SH2D1B: variants seen among roughly 807,000 people sequenced by gnomAD.
The protein encoded by SH2D1B is SH2 domain-containing protein 1B.
In SH2D1B, 11 loss-of-function variants were observed where a neutral mutation model predicts 16.3. The observed-to-expected ratio is 0.67, with a 90% CI of 0.42 to 1.11. The LOEUF is 1.11. Ranked by LOEUF, SH2D1B falls within the 50% of genes most tolerant of loss-of-function variation. The pLI is 0.00. For synonymous variants in SH2D1B, 55 were observed against 56.1 expected (o/e 0.98, Z 0.09); for missense variants, 123 against 153.1 (o/e 0.80, Z 1.04).
intron 1 of SH2D1B, among the ~76,000 whole-genome samples, chr1:162,403,136 T>C (rs1360247302): frequency 6.6e-6 from 1 of 152,058 alleles, no homozygotes; most frequent in East Asian, 1.9e-4. Context: ...ACAATGCTGA[T>C]GGGAATGTAA....
At chr1:162,408,569 CA>C (rs1039174497) in intron 1 of SH2D1B, among the ~76,000 whole-genome samples, 6 of 151,986 alleles carry the variant, frequency 3.9e-5, no homozygotes, top group Middle Eastern at 3.4e-3. Flanking sequence ...CATGCCACCA[CA>C]CCCAGCTAAT....
chr1:162,398,790 G>A, intron 3 of SH2D1B, 133 bp downstream of exon 3: 1 of 1,065,264 alleles, frequency 9.4e-7, no homozygotes. Context: ...AATGGAAATT[G>A]CTCTTAGTAG....
chr1:162,407,336 GC>G (rs1317429442), intron 1 of SH2D1B, among the ~76,000 whole-genome samples: 3 of 152,176 alleles, frequency 2.0e-5, no homozygotes, highest in African/African-American at 7.2e-5. Context: ...CCACTCCCAA[GC>G]CCTCAGGTCC....
Position 162,397,196 on chromosome 1 carries a change from C to T in SH2D1B, c.*84G>A. ...CTGAATTGTCCACTAGAGTTTGGTG[C>T]TCTGGACCTATGCCTGCAGAAGTGG... On this transcript the variant is annotated 3_prime_UTR_variant, in exon 4 of 4. Transcript: ENST00000367929. 6.8e-7 allele frequency: 1 copy of T among 1,477,698 alleles called. No homozygotes were observed. The highest frequency in any genetic ancestry group is 9.5e-7 in the Non-Finnish European group (1 of 1,057,874). The allele number at this position is 1,477,698 out of a possible 1,614,324, so 91.5% of individuals were successfully genotyped here.
chr1:162,402,913 C>T (rs28703122), intron 1 of SH2D1B, 111 bp from the exon 2 acceptor site: 20,922 of 674,986 alleles, frequency 0.031, 412 homozygotes, highest in Non-Finnish European at 0.04. Context: ...TAAAAAAACT[C>T]TTTTTTTTTT....
chr1:162,406,349 T>C (rs2101862764), intron 1 of SH2D1B, among the ~76,000 whole-genome samples: 1 of 152,340 alleles, frequency 6.6e-6, no homozygotes, highest in South Asian at 2.1e-4. Context: ...GTATACATTA[T>C]GATATATCAA....
intron 1 of SH2D1B, among the ~76,000 whole-genome samples, chr1:162,408,864 T>G (rs1648721057): frequency 6.6e-6 from 1 of 151,980 alleles, no homozygotes. Flanking sequence ...TCCCAGCACT[T>G]TGGGAGGCTG....
chr1:162,407,476 AT>A (rs1293263347), intron 1 of SH2D1B, among the ~76,000 whole-genome samples: 2 of 152,240 alleles, frequency 1.3e-5, no homozygotes, highest in East Asian at 3.8e-4. Flanking sequence ...AAGCTATTAA[AT>A]AAGAAGCTAC....
At chr1:162,408,414 C>CTTTTTTTTTTTTTTT (rs34627792) in intron 1 of SH2D1B, among the ~76,000 whole-genome samples, 2 of 128,184 alleles carry the variant, frequency 1.6e-5, no homozygotes, top group Non-Finnish European at 1.6e-5. Context: ...TTTTTCTCTT[C>CTTTTTTTTTTTTTTT]TTTTTTTTTT....
intron 2 of SH2D1B, among the ~76,000 whole-genome samples, chr1:162,399,335 GA>G (rs749167324): frequency 1.1e-4 from 16 of 152,154 alleles, no homozygotes; most frequent in Non-Finnish European, 2.2e-4. Context: ...AGTATCAAGT[GA>G]ACCCCATCCT....
chr1:162,412,037 A>T lies in SH2D1B; in HGVS notation c.-21T>A. The T allele has an allele frequency of 6.2e-7, 1 of 1,613,698 alleles. No homozygotes were observed. The highest frequency in any genetic ancestry group is 8.5e-7 in the Non-Finnish European group (1 of 1,179,690). Reference sequence around the variant, plus strand: ...TCCATGGAGAACGCTCTTGTATCCCAGGAAGCCCTGTTGGCCTGAAATTCA... The same window carrying T: ...TCCATGGAGAACGCTCTTGTATCCCTGGAAGCCCTGTTGGCCTGAAATTCA... On this transcript the variant is annotated 5_prime_UTR_variant, in exon 1 of 4. Transcript: ENST00000367929.
chr1:162,399,200 A>C, intron 2 of SH2D1B, 113 bp from the exon 3 acceptor site: 1 of 1,042,246 alleles, frequency 9.6e-7, no homozygotes, highest in Non-Finnish European at 1.4e-6. Context: ...TGAAAAACTG[A>C]AAACAAGTGG....
At chr1:162,400,457 ATTTTTTTT>A (rs34822047) in intron 2 of SH2D1B, among the ~76,000 whole-genome samples, 15 of 110,840 alleles carry the variant, frequency 1.4e-4, no homozygotes, top group Admixed American at 3.2e-4. Flanking sequence ...TACCTGGCTA[ATTTTTTTT>A]TTTTTTTTTT....
intron 2 of SH2D1B, among the ~76,000 whole-genome samples, chr1:162,400,286 CTTT>C (rs1241054289): frequency 3.6e-5 from 3 of 83,284 alleles, no homozygotes; most frequent in Non-Finnish European, 6.8e-5. Flanking sequence ...ACACCACGTA[CTTT>C]TTTTTTTTTT....
At chr1:162,403,511 A>AAAAAAAAATAT (rs1648579325) in intron 1 of SH2D1B, among the ~76,000 whole-genome samples, 2 of 42,042 alleles carry the variant, frequency 4.8e-5, no homozygotes, top group Admixed American at 3.8e-4. Flanking sequence ...AAAAAAAAAA[A>AAAAAAAAATAT]ATATATATAT....
At chr1:162,403,724 AC>A (rs1292638684) in intron 1 of SH2D1B, among the ~76,000 whole-genome samples, 2 of 149,636 alleles carry the variant, frequency 1.3e-5, no homozygotes, top group Non-Finnish European at 3.0e-5. Flanking sequence ...ACACACACAC[AC>A]ACACACACAC....
At chr1:162,408,475 C>T (rs959853761) in intron 1 of SH2D1B, among the ~76,000 whole-genome samples, 6 of 139,196 alleles carry the variant, frequency 4.3e-5, no homozygotes, top group African/African-American at 1.6e-4. Flanking sequence ...TGCAGTGGTG[C>T]GATCTTGGCT....
intron 2 of SH2D1B, among the ~76,000 whole-genome samples, chr1:162,400,672 G>A (rs1648495750): frequency 6.6e-6 from 1 of 151,870 alleles, no homozygotes; most frequent in African/African-American, 2.4e-5. Context: ...TTCTGGCTAG[G>A]CTCAGTGGCT....
intron 2 of SH2D1B, among the ~76,000 whole-genome samples, chr1:162,401,396 T>C (rs1170539674): frequency 6.6e-6 from 1 of 152,228 alleles, no homozygotes; most frequent in Non-Finnish European, 1.5e-5. Flanking sequence ...CATAGCAAAG[T>C]TGCAAAAATA....
Sources: allele counts gnomAD v4.1 joint callset (sites outside exome capture counted in the v4.1 genomes callset), GRCh38; gene constraint gnomAD v4.1.1; transcripts MANE v1.5; gene names NCBI Gene and HGNC (gene_info 2026-07-23, HGNC 2026-07-21).